OPRM1: variants seen among roughly 807,000 people sequenced by gnomAD.
OPRM1 encodes mu-type opioid receptor.
OPRM1 carries 27 observed loss-of-function variants against 31.8 expected under a neutral mutation model. That is an observed-to-expected ratio of 0.85 (90% confidence interval 0.63 to 1.17). OPRM1 has a LOEUF of 1.17. OPRM1 is among the 50% of genes most tolerant of loss of function. The probability of loss-of-function intolerance (pLI) is 0.00; values close to 1 mark genes in which losing one functional copy is unlikely to be tolerated. For missense variants in OPRM1, 536 were observed against 511.1 expected, an observed-to-expected ratio of 1.05 and a Z score of -0.47; for synonymous variants, 196 against 189.9, an observed-to-expected ratio of 1.03 and a Z score of -0.26.
At chr6:154,190,229 T>C (rs925313502) in intron 3 of OPRM1, among the ~76,000 whole-genome samples, 1 of 152,102 alleles carries the variant, frequency 6.6e-6, no homozygotes, top group African/African-American at 2.4e-5. Flanking sequence ...TTAAAAATAT[T>C]ATTCATATAC....
At chr6:154,186,309 G>A (rs1317664456) in intron 3 of OPRM1, among the ~76,000 whole-genome samples, 1 of 152,102 alleles carries the variant, frequency 6.6e-6, no homozygotes, top group African/African-American at 2.4e-5. Flanking sequence ...AGTCATTCAG[G>A]CTGAAAGTCT....
At chr6:154,099,418 AAG>A (rs10612499) in intron 3 of OPRM1, among the ~76,000 whole-genome samples, 98,226 of 146,100 alleles carry the variant, frequency 0.67, 33,411 homozygotes, top group East Asian at 0.9. Context: ...GAAAGAGAGA[AAG>A]AGAAAGAAAG....
intron 3 of OPRM1, among the ~76,000 whole-genome samples, chr6:154,111,780 A>G (rs1583596204): frequency 1.0e-5 from 1 of 97,708 alleles, no homozygotes; most frequent in African/African-American, 3.8e-5. Flanking sequence ...TTATTTATTT[A>G]TTTTGAGACC....
intron 1 of OPRM1, among the ~76,000 whole-genome samples, chr6:154,020,092 T>C (rs1778274957): frequency 6.6e-6 from 1 of 152,188 alleles, no homozygotes. Flanking sequence ...TACTACAGTT[T>C]ATCCATTCAC....
chr6:154,020,435 T>A (rs566662229), intron 1 of OPRM1, among the ~76,000 whole-genome samples: 1 of 152,254 alleles, frequency 6.6e-6, no homozygotes, highest in African/African-American at 2.4e-5. Flanking sequence ...CCCTAATGTC[T>A]AAAGTCCCCA....
chr6:154,013,546 T>C (rs2128376145), intron 1 of OPRM1, among the ~76,000 whole-genome samples: 1 of 152,278 alleles, frequency 6.6e-6, no homozygotes, highest in African/African-American at 2.4e-5. Flanking sequence ...AACACATAAG[T>C]AAAATTTAAT....
At chr6:154,177,119 C>T (rs1382360640) in intron 3 of OPRM1, among the ~76,000 whole-genome samples, 1 of 152,180 alleles carries the variant, frequency 6.6e-6, no homozygotes, top group Non-Finnish European at 1.5e-5. Flanking sequence ...CTTCCTTACA[C>T]CTTATACAAA....
Position 154,161,836 on chromosome 6 carries a change from A to G in OPRM1, c.1164+70364A>G, listed in dbSNP as rs1583674183. 3.3e-5 allele frequency among the ~76,000 whole-genome samples: 5 copies of G among 152,334 alleles called. 1 individual carries two copies. The highest frequency in any genetic ancestry group is 3.3e-4 in the Admixed American group (5 of 15,300). Reference sequence around the variant, plus strand: ...TCTTTTTGACTATCCCCAGGACAGCATGTGTGAAACTAAAACTTCACAACC... The same window carrying G: ...TCTTTTTGACTATCCCCAGGACAGCGTGTGTGAAACTAAAACTTCACAACC... On this transcript the variant is annotated intron_variant, in intron 3 of 3. Coordinates refer to the OPRM1 transcript ENST00000337049.
chr6:154,158,831 A>G (rs921380255), intron 3 of OPRM1: 9 of 152,256 alleles, frequency 5.9e-5, no homozygotes, highest in African/African-American at 2.2e-4. Context: ...AGCTATTCAC[A>G]TAGCACACAA....
At chr6:154,189,216 T>C (rs1205415182) in intron 3 of OPRM1, among the ~76,000 whole-genome samples, 1 of 152,156 alleles carries the variant, frequency 6.6e-6, no homozygotes, top group Non-Finnish European at 1.5e-5. Context: ...ACCTGCCAAT[T>C]TTGCAAAAAT....
At chr6:154,147,838 A>G (rs1798397609) in intron 3 of OPRM1, among the ~76,000 whole-genome samples, 1 of 152,230 alleles carries the variant, frequency 6.6e-6, no homozygotes, top group African/African-American at 2.4e-5. Context: ...ACAAATCCCA[A>G]GTTGATCACT....
intron 3 of OPRM1, among the ~76,000 whole-genome samples, chr6:154,196,299 C>T (rs1046737001): frequency 6.6e-6 from 1 of 152,226 alleles, no homozygotes; most frequent in Non-Finnish European, 1.5e-5. Context: ...ACTGTTCACA[C>T]TCAGATTGTG....
chr6:154,036,746 AT>A (rs1373663789), upstream of OPRM1, among the ~76,000 whole-genome samples: 1 of 151,886 alleles, frequency 6.6e-6, no homozygotes, highest in African/African-American at 2.4e-5. Context: ...TTTATTTTAT[AT>A]TATTTATCAC....
rs146117138 is a variant in OPRM1, at chr6:154,209,250, T to C, written c.1165-37443T>C. Among the ~76,000 whole-genome samples the C allele has an allele frequency of 1.9e-4, 29 of 152,356 alleles. No individual in the cohort carries two copies. The East Asian group carries it at 5.6e-3, about 29-fold the overall frequency. On this transcript the variant is annotated intron_variant, in intron 3 of 3. Transcript: ENST00000337049. ...AAGTACATCACCCAAAATAAAATTT[T>C]AACCAAAAACTTGGGGAAAAAAATA...
At chr6:154,029,340 G>A (rs1457318184) in intron 1 of OPRM1, among the ~76,000 whole-genome samples, 1 of 152,098 alleles carries the variant, frequency 6.6e-6, no homozygotes, top group Admixed American at 6.5e-5. Flanking sequence ...TGGTCATTTT[G>A]TAAGATTATC....
rs190780523 is a variant in OPRM1, at chr6:154,131,224, T to C, written c.*12503T>C. ...CCTTGGTTTTAAAAGATACATATAA[T>C]GTTTCCGTAGGAAAAAAATCAAAAT... On this transcript the variant is annotated 3_prime_UTR_variant, in exon 4 of 4. Transcript: ENST00000330432. Among the ~76,000 whole-genome samples, 100 of 152,312 alleles carry C rather than the reference T, an allele frequency of 6.6e-4. 1 individual carries two copies. Among genetic ancestry groups the C allele is most frequent in the Non-Finnish European group, 1.1e-3 (73 of 68,024 alleles).
intron 1 of OPRM1, among the ~76,000 whole-genome samples, chr6:154,030,881 G>A (rs1778971528): frequency 6.6e-6 from 1 of 152,140 alleles, no homozygotes; most frequent in Non-Finnish European, 1.5e-5. Flanking sequence ...TGCTTTCATT[G>A]TTCTTACATG....
chr6:154,056,387 G>T (rs1384198969), intron 1 of OPRM1, among the ~76,000 whole-genome samples: 4 of 151,910 alleles, frequency 2.6e-5, no homozygotes, highest in Non-Finnish European at 5.9e-5. Flanking sequence ...CTCCCAAAGT[G>T]CTGGGATTAC....
chr6:154,235,518 C>A lies in OPRM1; in HGVS notation c.1165-11175C>A, dbSNP rs1252227660. On this transcript the variant is annotated intron_variant, in intron 3 of 3. Coordinates refer to the OPRM1 transcript ENST00000337049. ...TGCACTCCAGCCTGGGCGACAAGAG[C>A]AAAACTCTGTCACAAAAAAAAAAAA... Among the ~76,000 whole-genome samples, 59 of 60,734 alleles carry A rather than the reference C, an allele frequency of 9.7e-4. No individual in the cohort carries two copies. In the Admixed American group the frequency reaches 0.011, roughly 12 times the overall value. 39.8% of individuals were successfully genotyped at this position (60,734 alleles called of 152,430 possible).
Sources: gnomAD v4.1 joint callset for allele counts (sites outside exome capture counted in the v4.1 genomes callset) on GRCh38, gnomAD v4.1.1 for gene constraint, MANE v1.5 for transcripts, NCBI Gene and HGNC (gene_info 2026-07-23, HGNC 2026-07-21) for gene names.